The following FARS2 variants were observed in gnomAD, a reference collection of about 807,000 sequenced individuals.
The protein encoded by FARS2 is phenylalanine--tRNA ligase, mitochondrial.
Under a neutral mutation model 46.4 loss-of-function variants are expected in FARS2, and 40 were observed. The observed-to-expected ratio is 0.86, with a 90% CI of 0.67 to 1.12. The LOEUF is 1.12. Ranked by LOEUF, FARS2 falls within the 50% of genes most tolerant of loss-of-function variation. The probability of loss-of-function intolerance (pLI) is 0.00; values close to 1 mark genes in which losing one functional copy is unlikely to be tolerated. For missense variants in FARS2, 513 were observed against 567.9 expected (o/e 0.90, Z 0.98); for synonymous variants, 234 against 214.9 (o/e 1.09, Z -0.78).
At chr6:5,371,395 T>G (rs908111699) in intron 2 of FARS2, among the ~76,000 whole-genome samples, 4 of 152,334 alleles carry the variant, frequency 2.6e-5, no homozygotes, top group African/African-American at 9.6e-5. Flanking sequence ...GTTTAATCTT[T>G]GTAATTATTA....
chr6:5,575,982 T>A (rs929533111), intron 5 of FARS2, among the ~76,000 whole-genome samples: 3 of 152,156 alleles, frequency 2.0e-5, no homozygotes, highest in Non-Finnish European at 2.9e-5. Flanking sequence ...CTCTGACCTT[T>A]AGGTTAAGGT....
chr6:5,600,310 T>C (rs537440895), intron 5 of FARS2, among the ~76,000 whole-genome samples: 3 of 152,348 alleles, frequency 2.0e-5, no homozygotes, highest in African/African-American at 7.2e-5. Context: ...TGTTTAGAAC[T>C]TGATGAGTCT....
At chr6:5,429,396 G>A (rs1165545075) in intron 3 of FARS2, among the ~76,000 whole-genome samples, 1 of 152,204 alleles carries the variant, frequency 6.6e-6, no homozygotes. Context: ...GCCTTCTCCT[G>A]TGGAATCTGG....
chr6:5,668,675 T>C (rs916014550), intron 6 of FARS2, among the ~76,000 whole-genome samples: 11 of 150,358 alleles, frequency 7.3e-5, no homozygotes, highest in Non-Finnish European at 1.0e-4. Context: ...GTTTCTTTTT[T>C]GTGTGTTTGG....
upstream of FARS2, chr6:5,260,535 C>A: frequency 7.1e-7 from 1 of 1,413,932 alleles, no homozygotes; most frequent in Non-Finnish European, 9.5e-7. Context: ...TGCCTCGCAG[C>A]CGCCGGCAAA....
chr6:5,607,086 A>G (rs1037905789), intron 5 of FARS2, among the ~76,000 whole-genome samples: 1 of 152,174 alleles, frequency 6.6e-6, no homozygotes, highest in Non-Finnish European at 1.5e-5. Flanking sequence ...ACGGAATTTA[A>G]AAATATTTTT....
At chr6:5,426,571 A>G (rs1289773600) in intron 3 of FARS2, among the ~76,000 whole-genome samples, 1 of 152,220 alleles carries the variant, frequency 6.6e-6, no homozygotes, top group African/African-American at 2.4e-5. Context: ...TCAAGAAATA[A>G]TTTCACTACC....
intron 4 of FARS2, among the ~76,000 whole-genome samples, chr6:5,542,262 G>T (rs1423092886): frequency 6.6e-6 from 1 of 152,114 alleles, no homozygotes; most frequent in African/African-American, 2.4e-5. Context: ...TACTCAAGAT[G>T]GAGTCACTCT....
intron 5 of FARS2, among the ~76,000 whole-genome samples, chr6:5,612,582 T>C (rs1006241134): frequency 5.9e-5 from 9 of 152,002 alleles, no homozygotes; most frequent in African/African-American, 2.2e-4. Context: ...ACTACTGAGC[T>C]AGTAAGCTGG....
At chr6:5,534,985 G>T (rs986715059) in intron 4 of FARS2, among the ~76,000 whole-genome samples, 1 of 152,136 alleles carries the variant, frequency 6.6e-6, no homozygotes, top group Admixed American at 6.5e-5. Flanking sequence ...ATTCTCAACA[G>T]CAATGCACAG....
chr6:5,293,950 T>C (rs1247606813), intron 1 of FARS2, among the ~76,000 whole-genome samples: 1 of 152,222 alleles, frequency 6.6e-6, no homozygotes, highest in African/African-American at 2.4e-5. Context: ...ATAAAACTTC[T>C]TAGATCATCA....
At chr6:5,751,393 C>A (rs181883496) in intron 6 of FARS2, among the ~76,000 whole-genome samples, 3 of 152,264 alleles carry the variant, frequency 2.0e-5, no homozygotes, top group Non-Finnish European at 4.4e-5. Flanking sequence ...GCAGTAGACA[C>A]CATTTTCCTG....
intron 1 of FARS2, among the ~76,000 whole-genome samples, chr6:5,354,040 T>C (rs978326723): frequency 3.3e-5 from 5 of 151,150 alleles, no homozygotes; most frequent in Non-Finnish European, 7.4e-5. Context: ...CAAATCTTAC[T>C]ATGTTAACAT....
At chr6:5,640,698 A>G (rs1363851818) in intron 6 of FARS2, among the ~76,000 whole-genome samples, 1 of 152,216 alleles carries the variant, frequency 6.6e-6, no homozygotes, top group Non-Finnish European at 1.5e-5. Context: ...GCCACAAATT[A>G]ACCTAACAAT....
chr6:5,745,399 T>C (rs141299239), intron 6 of FARS2, among the ~76,000 whole-genome samples: 2 of 152,382 alleles, frequency 1.3e-5, no homozygotes, highest in East Asian at 1.9e-4. Flanking sequence ...TCAGGAGATA[T>C]CCTGCATAGA....
chr6:5,435,467 G>A (rs547196135), intron 4 of FARS2, among the ~76,000 whole-genome samples: 2 of 152,302 alleles, frequency 1.3e-5, no homozygotes, highest in East Asian at 3.9e-4. Flanking sequence ...CTTTTAAATG[G>A]CTTGTAGCAT....
intron 6 of FARS2, among the ~76,000 whole-genome samples, chr6:5,720,551 T>A (rs143601628): frequency 6.6e-6 from 1 of 152,370 alleles, no homozygotes; most frequent in African/African-American, 2.4e-5. Flanking sequence ...TAGCATGCCC[T>A]AGGCTCTAGA....
chr6:5,737,188 A>G (rs554986461), intron 6 of FARS2, among the ~76,000 whole-genome samples: 2 of 152,312 alleles, frequency 1.3e-5, no homozygotes, highest in East Asian at 1.9e-4. Flanking sequence ...GAGCCACTCA[A>G]AAGGGATCCT....
At chr6:5,594,812 C>T (rs954135699) in intron 5 of FARS2, among the ~76,000 whole-genome samples, 2 of 152,248 alleles carry the variant, frequency 1.3e-5, no homozygotes, top group Middle Eastern at 3.4e-3. Flanking sequence ...AGGAGGGGTT[C>T]GATGAGGCCG....
Sources: gnomAD v4.1 joint callset for allele counts (sites outside exome capture counted in the v4.1 genomes callset) on GRCh38, gnomAD v4.1.1 for gene constraint, MANE v1.5 for transcripts, NCBI Gene and HGNC (gene_info 2026-07-23, HGNC 2026-07-21) for gene names.